MICAL1: variants seen among roughly 807,000 people sequenced by gnomAD.
MICAL1 encodes the protein [F-actin]-monooxygenase MICAL1.
A neutral mutation model predicts 131.8 loss-of-function variants in MICAL1; 95 were observed. The observed-to-expected ratio is 0.72, with a 90% CI of 0.61 to 0.86. The LOEUF (loss-of-function observed/expected upper bound fraction) is 0.86. Ranked by LOEUF, MICAL1 falls within the 40% of genes least tolerant of loss-of-function variation. MICAL1 has a pLI of 0.00. For synonymous variants in MICAL1, 546 were observed against 554.2 expected (o/e 0.99, Z 0.21); for missense variants, 1,292 against 1,380.6 (o/e 0.94, Z 1.02).
In MICAL1 at chr6:109,444,066, T is replaced by C. The variant is rs1775094131; in HGVS notation, c.*125A>G. On this transcript the variant is annotated 3_prime_UTR_variant, in exon 25 of 25. Transcript: ENST00000358807. ...CTGTAGGCGGTGTGAACGCTGTTTG[T>C]GGCAGAAACATTTTAATTGTAAACA... 1.4e-6 allele frequency: 2 copies of C among 1,480,312 alleles called. No homozygotes were observed. The highest frequency in any genetic ancestry group is 1.4e-5 in the African/African-American group (1 of 71,092). 91.7% of individuals were successfully genotyped at this position (1,480,312 alleles called of 1,614,324 possible). A position where few individuals can be genotyped will look rare whatever the true frequency, so the allele number is the denominator to read the frequency against.
chr6:109,453,021 ATGG>A (rs1775606213), intron 4 of MICAL1, among the ~76,000 whole-genome samples: 1 of 152,216 alleles, frequency 6.6e-6, no homozygotes, highest in African/African-American at 2.4e-5. Context: ...TTAGCTGGGC[ATGG>A]TGGCACATGC....
Position 109,445,861 on chromosome 6 carries a change from A to T in MICAL1, c.2583T>A (p.Ala861=). 3 of 1,599,526 alleles carry T rather than the reference A, an allele frequency of 1.9e-6. No homozygotes were observed. The highest frequency in any genetic ancestry group is 2.6e-6 in the Non-Finnish European group (3 of 1,172,410). The part of the protein sequence containing the change: ...GWGLPVQSPQ[A]LVAMEKEEKE... The stretch of plus-strand genomic sequence containing the variant: ...TTTCCTCCTTCTCCATGGCCACAAG[A>T]GCTGAGAAGAAGAACTGAGACGTTC... Residue 861 remains alanine (A), a splice_region_variant and synonymous_variant, in exon 20 of 25, where the codon GCT becomes GCA. Coordinates refer to ENST00000358807, the MANE Select transcript of MICAL1 (RefSeq NM_022765.4).
At chr6:109,460,523 TACACACACACAC>T (rs113472586), upstream of MICAL1, among the ~76,000 whole-genome samples, 2 of 147,678 alleles carry the variant, frequency 1.4e-5, no homozygotes, top group Admixed American at 6.8e-5. Context: ...TATATATAAA[TACACACACACAC>T]ACACACACAC....
upstream of MICAL1, among the ~76,000 whole-genome samples, chr6:109,456,409 G>A (rs1368841911): frequency 6.6e-6 from 1 of 152,228 alleles, no homozygotes; most frequent in Admixed American, 6.5e-5. Flanking sequence ...GACAGAGGTC[G>A]ACCCCTAAGC....
intron 1 of MICAL1, among the ~76,000 whole-genome samples, chr6:109,461,508 G>A (rs1052264904): frequency 6.6e-6 from 1 of 152,114 alleles, no homozygotes; most frequent in African/African-American, 2.4e-5. Context: ...AGGAGGCCAA[G>A]GTGGGAGGAC....
At chr6:109,447,513 C>A (rs1775286866) in intron 15 of MICAL1, 73 bp from the exon 16 acceptor site, 1 of 1,541,204 alleles carries the variant, frequency 6.5e-7, no homozygotes, top group South Asian at 1.2e-5. Context: ...TACAGATGAA[C>A]ACAAGGGGCT....
Position 109,449,114 on chromosome 6 carries a change from T to C in MICAL1, c.1517-235A>G, listed in dbSNP as rs2115331514. 4 of 662,922 alleles carry C rather than the reference T, an allele frequency of 6.0e-6. No homozygotes were observed. In the East Asian group the frequency reaches 8.2e-5, roughly 14 times the overall value. 41.1% of individuals were successfully genotyped at this position (662,922 alleles called of 1,614,324 possible). A position where few individuals can be genotyped will look rare whatever the true frequency, so the allele number is the denominator to read the frequency against. On this transcript the variant is annotated intron_variant, in intron 11 of 24. Transcript: ENST00000358807. The stretch of plus-strand genomic sequence containing the variant: ...TAAAGTGAAATCGCAACTGGCCACA[T>C]AGAGGGCAGCAGACTAAACTGGGGG...
Position 109,445,275 on chromosome 6 carries a change from G to T in MICAL1, c.2803C>A (p.Leu935Ile). The stretch of plus-strand genomic sequence containing the variant: ...CTCAAGGCAGCCTCAATCTCATTTA[G>T]TCGCCGTTGGATGGTCTGAGGGGTA... Reference protein sequence around the residue: ...FCKAQTIQRRLNEIEAALREL... With the variant: ...FCKAQTIQRRINEIEAALREL... The change falls in exon 22 of 25, where the codon CTA becomes ATA. Residue 935 changes from leucine to isoleucine, a missense_variant. Coordinates refer to ENST00000358807, the MANE Select transcript of MICAL1 (RefSeq NM_022765.4). 6.2e-7 allele frequency: 1 copy of T among 1,614,108 alleles called. No individual in the cohort carries two copies. Among genetic ancestry groups the T allele is most frequent in the Non-Finnish European group, 8.5e-7 (1 of 1,180,042 alleles).
chr6:109,445,713 C>A, intron 20 of MICAL1, 58 bp downstream of exon 20: 1 of 1,569,084 alleles, frequency 6.4e-7, no homozygotes, highest in Non-Finnish European at 8.7e-7. Context: ...TGGACCAGTG[C>A]AGGTTTCTCC....
intron 1 of MICAL1, chr6:109,462,985 A>G (rs917876889): frequency 3.3e-5 from 5 of 152,184 alleles, no homozygotes; most frequent in African/African-American, 1.2e-4. Flanking sequence ...TGGGTACTCA[A>G]GTCATTTAAC....
chr6:109,450,237 TC>T, intron 8 of MICAL1, 62 bp downstream of exon 8: 1 of 1,572,982 alleles, frequency 6.4e-7, no homozygotes, highest in Non-Finnish European at 8.7e-7. Flanking sequence ...TTTTATCCCC[TC>T]CTCCATACTA....
At chr6:109,453,499 T>C in intron 3 of MICAL1, 132 bp from the exon 4 acceptor site, 2 of 1,497,138 alleles carry the variant, frequency 1.3e-6, no homozygotes, top group South Asian at 2.5e-5. Context: ...CACTTATAGA[T>C]GGGGGACCTG....
In MICAL1 at chr6:109,447,357, C is replaced by G. The variant is rs765313736; in HGVS notation, c.2070G>C (p.Glu690Asp). The G allele has an allele frequency of 5.0e-6, 8 of 1,613,920 alleles. No individual in the cohort carries two copies. Among genetic ancestry groups the G allele is most frequent in the Non-Finnish European group, 6.8e-6 (8 of 1,179,984 alleles). ...CCTGCACACAAAGCCTGGCTCTCAC[C>G]TCCTGGTGTTGGGATGGGGGTGTCA... ...VPLTPPSQHQEAGAGDLCALC... is the reference protein window; with the variant it reads ...VPLTPPSQHQDAGAGDLCALC... Residue 690 changes from glutamate to aspartate, a missense_variant and splice_region_variant, in exon 16 of 25, where the codon GAG becomes GAC. Glu to Asp is a conservative substitution (Grantham distance 45). Coordinates refer to ENST00000358807, the MANE Select transcript of MICAL1 (RefSeq NM_022765.4).
Position 109,453,356 on chromosome 6 carries a change from G to A in MICAL1, c.478C>T (p.Leu160Phe), listed in dbSNP as rs774894411. 4 of 1,613,850 alleles carry A rather than the reference G, an allele frequency of 2.5e-6. No homozygotes were observed. Among genetic ancestry groups the A allele is most frequent in the Non-Finnish European group, 2.5e-6 (3 of 1,179,934 alleles). Residue 160 changes from leucine to phenylalanine, a missense_variant, in exon 4 of 25, where the codon CTC becomes TTC. Leu to Phe is a conservative substitution (Grantham distance 22). Coordinates refer to ENST00000358807, the MANE Select transcript of MICAL1 (RefSeq NM_022765.4). ...GTLDHISIRQLQLLLLKVALL... is the reference protein window; with the variant it reads ...GTLDHISIRQFQLLLLKVALL... Reference sequence around the variant, plus strand: ...GCTACCTTCAGCAGAAGCAGCTGGAGCTGCCTGATGCCTGGAAGGGAGAGG... The same window carrying A: ...GCTACCTTCAGCAGAAGCAGCTGGAACTGCCTGATGCCTGGAAGGGAGAGG...
At position 109,453,923 on chromosome 6, in the gene MICAL1, G is replaced by A; in HGVS notation, c.258+16C>T. Reference sequence around the variant, plus strand: ...CCCGCATGCTCCACACCCCATCCCAGGCACCGTGTATCCACCTTGGTGCTG... The same window carrying A: ...CCCGCATGCTCCACACCCCATCCCAAGCACCGTGTATCCACCTTGGTGCTG... On this transcript the variant is annotated intron_variant, in intron 2 of 24. Transcript: ENST00000358807. 1 of 1,611,628 alleles carries A rather than the reference G, an allele frequency of 6.2e-7. No homozygotes were observed. The highest frequency in any genetic ancestry group is 8.5e-7 in the Non-Finnish European group (1 of 1,178,302).
At chr6:109,461,669 ATTAG>A (rs1302944967) in intron 1 of MICAL1, among the ~76,000 whole-genome samples, 1 of 152,206 alleles carries the variant, frequency 6.6e-6, no homozygotes, top group Non-Finnish European at 1.5e-5. Flanking sequence ...ACATTCTTTA[ATTAG>A]TAAGTTCTTA....
At chr6:109,461,561 G>A (rs1775888799) in intron 1 of MICAL1, among the ~76,000 whole-genome samples, 1 of 152,038 alleles carries the variant, frequency 6.6e-6, no homozygotes, top group South Asian at 2.1e-4. Flanking sequence ...GCAATATAGT[G>A]AGACCCTGTC....
rs375023420 is a variant in MICAL1 at position 109,450,330 on chromosome 6, C to T, written c.1161G>A (p.Leu387=). 1 of 1,609,652 alleles carries T rather than the reference C, an allele frequency of 6.2e-7. No homozygotes were observed. The highest frequency in any genetic ancestry group is 8.5e-7 in the Non-Finnish European group (1 of 1,176,862). ...RVQEKHGARL[L]LGLVGDCLVE... ...CCAGGCAGTCCCCCACCAGTCCCAG[C>T]AGCAGGCGGGCGCCATGCTTCTCTT... Residue 387 remains leucine, a synonymous_variant, in exon 8 of 25, where the codon CTG becomes CTA. Coordinates refer to ENST00000358807, the MANE Select transcript of MICAL1 (RefSeq NM_022765.4).
At chr6:109,452,215 G>C in intron 6 of MICAL1, 31 bp downstream of exon 6, 1 of 1,594,628 alleles carries the variant, frequency 6.3e-7, no homozygotes, top group South Asian at 1.1e-5. Flanking sequence ...TCAGGCAGGG[G>C]GAGGGGAAAT....
Sources: allele counts gnomAD v4.1 joint callset (sites outside exome capture counted in the v4.1 genomes callset), GRCh38; gene constraint gnomAD v4.1.1; transcripts MANE v1.5; gene names NCBI Gene and HGNC (gene_info 2026-07-23, HGNC 2026-07-21).